The following PLCH2 variants were observed in gnomAD, a reference collection of about 807,000 sequenced individuals.
The protein encoded by PLCH2 is 1-phosphatidylinositol 4,5-bisphosphate phosphodiesterase eta-2.
PLCH2 carries 98 observed loss-of-function variants against 134.7 expected under a neutral mutation model. The ratio of observed to expected loss-of-function variants is 0.73; its 90% confidence interval spans 0.62 to 0.86. PLCH2 has a LOEUF of 0.86. PLCH2 is among the 40% of genes least tolerant of loss of function. PLCH2 has a pLI of 0.00. For synonymous variants in PLCH2, 974 were observed against 827.5 expected (o/e 1.18, Z -3.04); for missense variants, 1,994 against 1,986.6 (o/e 1.00, Z -0.07).
At chr1:2,451,314 C>T (rs1316118678) in intron 2 of PLCH2, among the ~76,000 whole-genome samples, 3 of 152,192 alleles carry the variant, frequency 2.0e-5, no homozygotes, top group African/African-American at 7.2e-5. Flanking sequence ...CTCCCCGGCC[C>T]CCGAAGATCA....
upstream of PLCH2, among the ~76,000 whole-genome samples, chr1:2,423,524 C>G (rs1208904460): frequency 6.6e-6 from 1 of 152,038 alleles, no homozygotes; most frequent in Non-Finnish European, 1.5e-5. Context: ...GGGAGGAGAC[C>G]CTCAAATCCA....
At chr1:2,417,568 G>A in the PLCH2 span, among the ~76,000 whole-genome samples, 2 of 152,318 alleles carry the variant, frequency 1.3e-5, no homozygotes, top group South Asian at 4.1e-4. Flanking sequence ...CTGGAATGGC[G>A]TCCACTCTGG....
At chr1:2,441,510 C>T (rs1232387062) in intron 2 of PLCH2, among the ~76,000 whole-genome samples, 1 of 152,170 alleles carries the variant, frequency 6.6e-6, no homozygotes, top group Admixed American at 6.5e-5. Flanking sequence ...TCGACTGGCA[C>T]GTCCATCCTC....
chr1:2,467,180 C>CGGGA (rs540138760), upstream of PLCH2, among the ~76,000 whole-genome samples: 877 of 140,350 alleles, frequency 6.2e-3, 10 homozygotes, highest in African/African-American at 0.021. Flanking sequence ...GGAGCCCTGC[C>CGGGA]GGGAGGGAGG....
intron 5 of PLCH2, 25 bp downstream of exon 5, chr1:2,484,643 G>C: frequency 1.9e-6 from 3 of 1,605,906 alleles, no homozygotes; most frequent in Non-Finnish European, 2.5e-6. Context: ...GCAGGTGTTG[G>C]GGGGCCAGCC....
At position 2,502,322 on chromosome 1, in the gene PLCH2, G is replaced by A. The variant is rs1224104914; in HGVS notation, c.2872G>A (p.Gly958Arg). Reference sequence around the variant, plus strand: ...GGGTACACGGGACACAGGCTCCAAGGGGGTGGCAGACGATGTGGTGCCCCC... The same window carrying A: ...GGGTACACGGGACACAGGCTCCAAGAGGGTGGCAGACGATGTGGTGCCCCC... Reference protein sequence around the residue: ...VLGTRDTGSKGVADDVVPPGP... With the variant: ...VLGTRDTGSKRVADDVVPPGP... The change falls in exon 21 of 22, where the codon GGG (glycine) becomes AGG (arginine). Residue 958 changes from glycine to arginine, a missense_variant. By Grantham distance (125) the Gly-to-Arg change is moderately radical. Transcript: ENST00000378486. The A allele has an allele frequency of 1.3e-6, 2 of 1,536,066 alleles. No individual in the cohort carries two copies. The highest frequency in any genetic ancestry group is 4.9e-5 in the East Asian group (2 of 40,702).
At chr1:2,441,530 G>T (rs1489654063) in intron 2 of PLCH2, among the ~76,000 whole-genome samples, 3 of 152,172 alleles carry the variant, frequency 2.0e-5, no homozygotes, top group Non-Finnish European at 2.9e-5. Context: ...CCACTCATCT[G>T]CTGAGTCCAC....
At chr1:2,449,499 AAACCAACCAACCAACC>A (rs34463698) in intron 2 of PLCH2, among the ~76,000 whole-genome samples, 110 of 150,368 alleles carry the variant, frequency 7.3e-4, no homozygotes, top group African/African-American at 2.5e-3. Context: ...TGTCTCAACA[AAACCAACCAACCAACC>A]AACCAACCAA....
intron 2 of PLCH2, among the ~76,000 whole-genome samples, chr1:2,435,172 G>A (rs75631842): frequency 0.13 from 19,599 of 152,176 alleles, 1,433 homozygotes; most frequent in East Asian, 0.25. Context: ...TCACCAGGAC[G>A]AAGGAGAGCA....
Position 2,480,238 on chromosome 1 carries a change from A to G in PLCH2, c.571A>G (p.Ile191Val), listed in dbSNP as rs746577876. The change falls in exon 4 of 22, where the codon ATT becomes GTT. Residue 191 changes from isoleucine (I) to valine (V), a missense_variant. Physicochemically the swap from Ile to Val is conservative, Grantham distance 29. Transcript: ENST00000378486. ...ADKNGDGSLSIGEVLQLLHKL... is the reference protein window; with the variant it reads ...ADKNGDGSLSVGEVLQLLHKL... ...CAAGAACGGGGATGGCAGCCTGAGC[A>G]TTGGCGAGGTCCTGCAGCTGCTGCA... 1 of 1,612,824 alleles carries G rather than the reference A, an allele frequency of 6.2e-7. No homozygotes were observed. Among genetic ancestry groups the G allele is most frequent in the Non-Finnish European group, 8.5e-7 (1 of 1,179,844 alleles).
chr1:2,504,071 C>A lies in PLCH2; in HGVS notation c.3109C>A (p.Pro1037Thr). Residue 1037 changes from proline (P) to threonine (T), a missense_variant, in exon 22 of 22, where the codon CCC becomes ACC. By Grantham distance (38) the Pro-to-Thr change is conservative (BLOSUM62 -1). Transcript: ENST00000378486. ...SQGRPPYPTG[P>T]GANVASPLED... ...GGGACGGCCCCCATACCCCACAGGA[C>A]CCGGAGCCAATGTGGCAAGCCCCCT... The A allele has an allele frequency of 6.5e-7, 1 of 1,548,202 alleles. No individual in the cohort carries two copies. Among genetic ancestry groups the A allele is most frequent in the Non-Finnish European group, 8.7e-7 (1 of 1,146,612 alleles).
intron 20 of PLCH2, chr1:2,500,128 C>T (rs978400694): frequency 3.7e-5 from 8 of 215,190 alleles, no homozygotes; most frequent in African/African-American, 1.4e-4. Context: ...CCTGGTGTCA[C>T]GTGGAAGGCA....
chr1:2,419,089 C>T, the PLCH2 span, among the ~76,000 whole-genome samples: 33 of 152,280 alleles, frequency 2.2e-4, no homozygotes, highest in East Asian at 3.9e-4. Context: ...AAGGATGTGG[C>T]GTCTGAGGCT....
rs1043830106 is a variant in PLCH2 at position 2,505,295 on chromosome 1, A to G, written c.*82A>G. The G allele has an allele frequency of 1.8e-6, 2 of 1,124,282 alleles. No homozygotes were observed. Among genetic ancestry groups the G allele is most frequent in the Admixed American group, 4.9e-5 (2 of 41,234 alleles). The allele number at this position is 1,124,282 out of a possible 1,614,324, so 69.6% of individuals were successfully genotyped here. On this transcript the variant is annotated 3_prime_UTR_variant, in exon 22 of 22. Transcript: ENST00000378486. Reference sequence around the variant, plus strand: ...TGTTTGCTCAGGAAACAGGGCAGCCAGGCCCCCAAAACTGTGTCCCCCTGG... The same window carrying G: ...TGTTTGCTCAGGAAACAGGGCAGCCGGGCCCCCAAAACTGTGTCCCCCTGG...
chr1:2,435,431 G>A (rs1265711801), intron 2 of PLCH2, among the ~76,000 whole-genome samples: 1 of 151,820 alleles, frequency 6.6e-6, no homozygotes, highest in Non-Finnish European at 1.5e-5. Flanking sequence ...GAGGGCACCA[G>A]CAAAGCTGTT....
At chr1:2,481,777 G>A (rs1217044620) in intron 4 of PLCH2, among the ~76,000 whole-genome samples, 1 of 152,236 alleles carries the variant, frequency 6.6e-6, no homozygotes, top group African/African-American at 2.4e-5. Flanking sequence ...GACAGCTGGA[G>A]ACGGCCCCAG....
At chr1:2,420,400 A>ATG in the PLCH2 span, among the ~76,000 whole-genome samples, 1 of 152,106 alleles carries the variant, frequency 6.6e-6, no homozygotes, top group East Asian at 1.9e-4. Flanking sequence ...GGGCCCAGTG[A>ATG]TGCTGGCAAG....
At chr1:2,455,891 G>T (rs988183690) in intron 2 of PLCH2, among the ~76,000 whole-genome samples, 7 of 152,218 alleles carry the variant, frequency 4.6e-5, no homozygotes, top group African/African-American at 1.7e-4. Context: ...TGAGCATCCC[G>T]CGGGCGGGCT....
At chr1:2,497,841 G>C (rs1371769776) in intron 16 of PLCH2, 1 of 499,636 alleles carries the variant, frequency 2.0e-6, no homozygotes, top group African/African-American at 1.9e-5. Context: ...AGGAATCCAG[G>C]GATGGAGAAC....
Sources: gnomAD v4.1 joint callset for allele counts (sites outside exome capture counted in the v4.1 genomes callset) on GRCh38, gnomAD v4.1.1 for gene constraint, MANE v1.5 for transcripts, NCBI Gene and HGNC (gene_info 2026-07-23, HGNC 2026-07-21) for gene names.